Variants in RPS23 observed in about 807,000 individuals in gnomAD.
RPS23 encodes the protein ribosomal protein S23.
For missense variants in RPS23, 73 were observed against 174.5 expected (o/e 0.42, Z 3.28); for synonymous variants, 66 against 60.4 (o/e 1.09, Z -0.43).
chr5:82,274,238 C>A lies in RPS23; in HGVS notation c.*1871G>T, dbSNP rs1322287096. The A allele has an allele frequency of 2.0e-5, 3 of 152,142 alleles. No individual in the cohort carries two copies. Among genetic ancestry groups the A allele is most frequent in the Non-Finnish European group, 4.4e-5 (3 of 68,050 alleles). The allele number at this position is 152,142 out of a possible 1,614,324, so 9.4% of individuals were successfully genotyped here. ...ATTGATGTGTATTTTTGTCTCTCCT[C>A]CATGGATACATGAAGGAAAGGGCCT... On this transcript the variant is annotated 3_prime_UTR_variant, in exon 4 of 4. Transcript: ENST00000296674.
At chr5:82,277,637 G>A in intron 2 of RPS23, 56 bp downstream of exon 2, 4 of 1,535,290 alleles carry the variant, frequency 2.6e-6, no homozygotes, top group Middle Eastern at 2.2e-4. Flanking sequence ...GAATTCGTAA[G>A]TTCATGTCTC....
intron 2 of RPS23, 23 bp downstream of exon 2, chr5:82,277,670 C>A: frequency 6.2e-7 from 1 of 1,611,882 alleles, no homozygotes; most frequent in East Asian, 2.2e-5. Flanking sequence ...TAAACTAAAA[C>A]TTGACGGGAG....
rs774430561 is a variant in RPS23, at chr5:82,276,275, T to C, written c.286-20A>G. The C allele has an allele frequency of 6.2e-7, 1 of 1,613,394 alleles. No homozygotes were observed. The highest frequency in any genetic ancestry group is 8.5e-7 in the Non-Finnish European group (1 of 1,179,630). ...ATTTTCCTGGAATAAAATAAGAAGTTTATTTCTGGTGTTGGTGGCGATCAC... is the reference window on the plus strand; with the variant it reads ...ATTTTCCTGGAATAAAATAAGAAGTCTATTTCTGGTGTTGGTGGCGATCAC... On this transcript the variant is annotated intron_variant, in intron 3 of 3. Transcript: ENST00000296674.
rs931035682 is a variant in RPS23, at chr5:82,275,662, G to A, written c.*447C>T. 2 of 273,844 alleles carry A rather than the reference G, an allele frequency of 7.3e-6. No homozygotes were observed. Among genetic ancestry groups the A allele is most frequent in the Admixed American group, 4.8e-5 (1 of 20,808 alleles). The allele number at this position is 273,844 out of a possible 1,614,324, so 17.0% of individuals were successfully genotyped here. A position where few individuals can be genotyped will look rare whatever the true frequency, so the allele number is the denominator to read the frequency against. ...GCCCCTGTAAGATGGATACAAGAAT[G>A]TGCATTTCCAAGGGTACCTAAGATA... On this transcript the variant is annotated 3_prime_UTR_variant, in exon 4 of 4. Coordinates refer to ENST00000296674, the MANE Select transcript of RPS23 (RefSeq NM_001025.5).
Position 82,273,725 on chromosome 5 carries a change from A to C in RPS23, c.*2384T>G, listed in dbSNP as rs1463427988. 6.6e-6 allele frequency: 1 copy of C among 152,100 alleles called. No individual in the cohort carries two copies. The highest frequency in any genetic ancestry group is 1.9e-4 in the East Asian group (1 of 5,188). The allele number at this position is 152,100 out of a possible 1,614,324, so 9.4% of individuals were successfully genotyped here. A position where few individuals can be genotyped will look rare whatever the true frequency, so the allele number is the denominator to read the frequency against. Reference sequence around the variant, plus strand: ...TAAAACAATATAAAACAATATGAGAAGGTCTCTCTCTTCCCTCAAGAGTGT... The same window carrying C: ...TAAAACAATATAAAACAATATGAGACGGTCTCTCTCTTCCCTCAAGAGTGT... On this transcript the variant is annotated 3_prime_UTR_variant, in exon 4 of 4. Transcript: ENST00000296674.
chr5:82,275,614 G>A lies in RPS23; in HGVS notation c.*495C>T. 2.8e-6 allele frequency: 1 copy of A among 360,362 alleles called. No individual in the cohort carries two copies. Among genetic ancestry groups the A allele is most frequent in the Non-Finnish European group, 5.0e-6 (1 of 201,094 alleles). 22.3% of individuals were successfully genotyped at this position (360,362 alleles called of 1,614,324 possible). A position where few individuals can be genotyped will look rare whatever the true frequency, so the allele number is the denominator to read the frequency against. ...AATAAACAGAGTGGGGAGCAATTTT[G>A]AGTTTACTATTTATCATCTTGGGCC... On this transcript the variant is annotated 3_prime_UTR_variant, in exon 4 of 4. Transcript: ENST00000296674.
In RPS23 at chr5:82,275,171, C is replaced by A. The variant is rs1297693060; in HGVS notation, c.*938G>T. ...TCCAAAGATCCTAAACAATGTAAAG[C>A]TAGGCTTTGATCAAAGGGCTAATTA... On this transcript the variant is annotated 3_prime_UTR_variant, in exon 4 of 4. Coordinates refer to ENST00000296674, the MANE Select transcript of RPS23 (RefSeq NM_001025.5). 4.3e-6 allele frequency: 3 copies of A among 700,286 alleles called. No homozygotes were observed. Among genetic ancestry groups the A allele is most frequent in the Non-Finnish European group, 7.8e-6 (3 of 383,878 alleles). 43.4% of individuals were successfully genotyped at this position (700,286 alleles called of 1,614,324 possible). A position where few individuals can be genotyped will look rare whatever the true frequency, so the allele number is the denominator to read the frequency against.
chr5:82,275,527 CTG>C lies in RPS23; in HGVS notation c.*580_*581del, dbSNP rs1408518055. The C allele has an allele frequency of 1.0e-5, 6 of 582,146 alleles. No homozygotes were observed. The highest frequency in any genetic ancestry group is 6.0e-5 in the Admixed American group (2 of 33,450). The allele number at this position is 582,146 out of a possible 1,614,324, so 36.1% of individuals were successfully genotyped here. ...TTCCATCAACTAAATGATCCAATGC[CTG>C]TATTCTCCTAAACACATTAATGTAG... On this transcript the variant is annotated 3_prime_UTR_variant, in exon 4 of 4. Transcript: ENST00000296674.
At chr5:82,276,854 A>AAAAAAG (rs1561389768) in intron 2 of RPS23, 1 of 236,774 alleles carries the variant, frequency 4.2e-6, no homozygotes. Context: ...TCAAAAAAAA[A>AAAAAAG]AAAAGAAAAA....
At position 82,275,597 on chromosome 5, in the gene RPS23, G is replaced by A. The variant is rs763141615; in HGVS notation, c.*512C>T. 147 of 392,288 alleles carry A rather than the reference G, an allele frequency of 3.7e-4. No individual in the cohort carries two copies. Among genetic ancestry groups the A allele is most frequent in the Non-Finnish European group, 5.6e-4 (123 of 220,526 alleles). The allele number at this position is 392,288 out of a possible 1,614,324, so 24.3% of individuals were successfully genotyped here. On this transcript the variant is annotated 3_prime_UTR_variant, in exon 4 of 4. Coordinates refer to ENST00000296674, the MANE Select transcript of RPS23 (RefSeq NM_001025.5). ...TCCTGACACCTTTAAATAATAAACA[G>A]AGTGGGGAGCAATTTTGAGTTTACT...
chr5:82,278,045 A>C (rs1298189664), intron 1 of RPS23, 193 bp from the exon 2 acceptor site: 4 of 656,364 alleles, frequency 6.1e-6, no homozygotes, highest in Non-Finnish European at 1.1e-5. Context: ...AGGGCTCCGG[A>C]GAATGTGTTC....
Position 82,275,587 on chromosome 5 carries a change from A to G in RPS23, c.*522T>C, listed in dbSNP as rs1259948883. ...ACAACACAGATCCTGACACCTTTAA[A>G]TAATAAACAGAGTGGGGAGCAATTT... On this transcript the variant is annotated 3_prime_UTR_variant, in exon 4 of 4. Coordinates refer to ENST00000296674, the MANE Select transcript of RPS23 (RefSeq NM_001025.5). 9.5e-6 allele frequency: 4 copies of G among 419,724 alleles called. No individual in the cohort carries two copies. In the East Asian group the frequency reaches 1.6e-4, roughly 17 times the overall value. The allele number at this position is 419,724 out of a possible 1,614,324, so 26.0% of individuals were successfully genotyped here.
chr5:82,275,849 C>A lies in RPS23; in HGVS notation c.*260G>T. ...TACTGCACATTTATTCCAGATCTAT[C>A]CCATTTTCTTATTCCACAGGATGAG... On this transcript the variant is annotated 3_prime_UTR_variant, in exon 4 of 4. Transcript: ENST00000296674. 1 of 447,484 alleles carries A rather than the reference C, an allele frequency of 2.2e-6. No individual in the cohort carries two copies. The highest frequency in any genetic ancestry group is 4.3e-5 in the South Asian group (1 of 23,434). 27.7% of individuals were successfully genotyped at this position (447,484 alleles called of 1,614,324 possible). A position where few individuals can be genotyped will look rare whatever the true frequency, so the allele number is the denominator to read the frequency against.
chr5:82,278,204 T>G, intron 1 of RPS23, 116 bp downstream of exon 1: 338 of 570,092 alleles, frequency 5.9e-4, no homozygotes, highest in Non-Finnish European at 9.4e-4. Flanking sequence ...TCCCCGGCCC[T>G]CCCCCATGGA....
intron 2 of RPS23, among the ~76,000 whole-genome samples, chr5:82,277,058 G>A (rs925800869): frequency 2.6e-5 from 4 of 151,516 alleles, no homozygotes; most frequent in Admixed American, 2.0e-4. Flanking sequence ...GGTAGTGGGC[G>A]CCTGTAATCC....
intron 2 of RPS23, chr5:82,277,360 G>T (rs531592020): frequency 5.7e-5 from 20 of 349,836 alleles, no homozygotes; most frequent in Non-Finnish European, 9.6e-5. Context: ...CTTCACCTTA[G>T]TTTTATCAAG....
Position 82,277,762 on chromosome 5 carries a change from A to G in RPS23, c.95T>C (p.Leu32Ser). The G allele has an allele frequency of 6.2e-7, 1 of 1,614,022 alleles. No homozygotes were observed. Among genetic ancestry groups the G allele is most frequent in the Non-Finnish European group, 8.5e-7 (1 of 1,179,860 alleles). Residue 32 changes from leucine (L) to serine (S), a missense_variant, in exon 2 of 4, where the codon TTG becomes TCG. Transcript: ENST00000296674. ...WHDKQYKKAH[L>S]GTALKANPFG... is the part of the protein sequence containing the mutation. ...AGGGTTGGCCTTTAGGGCTGTGCCC[A>G]AATGAGCTTTCTTATACTGTTTATC...
chr5:82,276,312 C>G (rs752586807), intron 3 of RPS23, 57 bp from the exon 4 acceptor site: 2 of 1,612,042 alleles, frequency 1.2e-6, no homozygotes, highest in Non-Finnish European at 1.7e-6. Context: ...AAAATACTTT[C>G]ATGTGAGGAA....
In RPS23 at chr5:82,275,566, C is replaced by T. The variant is rs1051675604; in HGVS notation, c.*543G>A. The T allele has an allele frequency of 3.9e-5, 19 of 486,980 alleles. No homozygotes were observed. Among genetic ancestry groups the T allele is most frequent in the African/African-American group, 1.9e-4 (10 of 51,692 alleles). The allele number at this position is 486,980 out of a possible 1,614,324, so 30.2% of individuals were successfully genotyped here. On this transcript the variant is annotated 3_prime_UTR_variant, in exon 4 of 4. Coordinates refer to ENST00000296674, the MANE Select transcript of RPS23 (RefSeq NM_001025.5). ...ACACATTAATGTAGACACATTACAA[C>T]ACAGATCCTGACACCTTTAAATAAT...
Sources: gnomAD v4.1 joint callset for allele counts (sites outside exome capture counted in the v4.1 genomes callset) on GRCh38, gnomAD v4.1.1 for gene constraint, MANE v1.5 for transcripts, NCBI Gene and HGNC (gene_info 2026-07-23, HGNC 2026-07-21) for gene names.